LCN6: variants seen among roughly 807,000 people sequenced by gnomAD.
The protein encoded by LCN6 is epididymal-specific lipocalin-6.
LCN6 carries 20 observed loss-of-function variants against 21.4 expected under a neutral mutation model. That is an observed-to-expected ratio of 0.93 (90% CI 0.66 to 1.36). LCN6 has a LOEUF of 1.36. LCN6 is among the 40% of genes most tolerant of loss of function. The pLI, the probability that LCN6 is intolerant of heterozygous loss-of-function variation, is 0.00. For missense variants in LCN6, 217 were observed against 206.6 expected, an observed-to-expected ratio of 1.05 and a Z score of -0.31; for synonymous variants, 96 against 89.0, an observed-to-expected ratio of 1.08 and a Z score of -0.44.
At chr9:136,747,067 C>G (rs1191121567) in intron 2 of LCN6, 1 of 226,148 alleles carries the variant, frequency 4.4e-6, no homozygotes, top group African/African-American at 2.3e-5. Flanking sequence ...GCATTATCCT[C>G]CTTTAAACAG....
At chr9:136,747,861 A>G (rs1248989502) in intron 1 of LCN6, among the ~76,000 whole-genome samples, 1 of 135,660 alleles carries the variant, frequency 7.4e-6, no homozygotes, top group African/African-American at 2.7e-5. Flanking sequence ...CCAGCCCTCC[A>G]GCCTCCAGCT....
At chr9:136,745,115 C>T (rs1847019361) in intron 4 of LCN6, 55 bp downstream of exon 4, 11 of 178,660 alleles carry the variant, frequency 6.2e-5, no homozygotes, top group East Asian at 3.1e-4. Context: ...ACGTGGGCCC[C>T]GAGTGGCCCA....
intron 2 of LCN6, among the ~76,000 whole-genome samples, chr9:136,746,280 G>T (rs1847036081): frequency 7.2e-6 from 1 of 138,754 alleles, no homozygotes; most frequent in Admixed American, 7.1e-5. Flanking sequence ...GGCGGGGTGG[G>T]GGTTCGCCCG....
In LCN6 at chr9:136,745,169, C is replaced by T. The variant is rs148227688; in HGVS notation, c.412+1G>A. 1.0e-5 allele frequency: 16 copies of T among 1,600,928 alleles called. No homozygotes were observed. Among genetic ancestry groups the T allele is most frequent in the Non-Finnish European group, 1.3e-5 (15 of 1,168,614 alleles). ...ACGTGGGCCCCGCACAGCACACTTA[C>T]TGTACAGCTCCACGGTGTTGAAGGG... On this transcript the variant is annotated splice_donor_variant, in intron 4 of 6. Transcript: ENST00000341206. LOFTEE classifies it high-confidence loss of function.
At chr9:136,747,695 C>CAGCCTCCAGATCTCCAGCCCTCT (rs1847063777) in intron 1 of LCN6, 132 bp from the exon 2 acceptor site, 13 of 963,456 alleles carry the variant, frequency 1.3e-5, no homozygotes, top group Admixed American at 6.5e-5. Context: ...TCCAGCCCTC[C>CAGCCTCCAGATCTCCAGCCCTCT]AGCCTCCAGC....
rs914603729 is a variant in LCN6 at position 136,744,532 on chromosome 9, T to C, written c.*22+108A>G. ...GCCTGACTCCTTCAGGGCGACTGAG[T>C]CAGGCAGAAGCCAGAATCAACCCCA... On this transcript the variant is annotated intron_variant, in intron 5 of 6. Transcript: ENST00000341206. This position sits in a 1 kb window ranked among gnomAD's most constrained non-coding sequence, Gnocchi z 4.2. 8.7e-6 allele frequency: 6 copies of C among 689,476 alleles called. No individual in the cohort carries two copies. In the African/African-American group the frequency reaches 8.9e-5, roughly 10 times the overall value. 42.7% of individuals were successfully genotyped at this position (689,476 alleles called of 1,614,324 possible).
Position 136,748,272 on chromosome 9 carries a change from C to T in LCN6, c.90+122G>A, listed in dbSNP as rs1588303193. The T allele has an allele frequency of 3.0e-5, 25 of 840,540 alleles. 2 individuals are homozygous for T. The South Asian group carries it at 3.7e-4, about 12-fold the overall frequency. The allele number at this position is 840,540 out of a possible 1,614,324, so 52.1% of individuals were successfully genotyped here. On this transcript the variant is annotated intron_variant, in intron 1 of 6. Coordinates refer to ENST00000341206, the MANE Select transcript of LCN6 (RefSeq NM_198946.3). ...CTGTGGGACTCCCCAAGGGCTGGCC[C>T]AACTAATTCCCCACTGCTCATGCTG...
In LCN6 at chr9:136,745,258, C is replaced by G; in HGVS notation, c.324G>C (p.Trp108Cys). 6.2e-7 allele frequency: 1 copy of G among 1,613,408 alleles called. No homozygotes were observed. Among genetic ancestry groups the G allele is most frequent in the Non-Finnish European group, 8.5e-7 (1 of 1,179,776 alleles). ...AGTCTCTGAAGTTGGTGGCCAGCAC[C>G]CAGAGCTCCAGCACGCCTATTGCTA... ...ENPSIGVLELWVLATNFRDYA... is the reference protein window; with the variant it reads ...ENPSIGVLELCVLATNFRDYA... The change falls in exon 4 of 7, where the codon TGG (tryptophan) becomes TGC (cysteine). Residue 108 changes from tryptophan (W) to cysteine (C), a missense_variant. By Grantham distance (215) the Trp-to-Cys change is radical. Transcript: ENST00000341206.
In LCN6 at chr9:136,745,842, A is replaced by G. The variant is rs376850573; in HGVS notation, c.301+2T>C. 1 of 1,613,134 alleles carries G rather than the reference A, an allele frequency of 6.2e-7. No homozygotes were observed. The highest frequency in any genetic ancestry group is 8.5e-7 in the Non-Finnish European group (1 of 1,179,380). ...GGGTGAGGCCGTGGCCGTCAGACTC[A>G]CAGGGATTCTCAAACACCCATCCGG... On this transcript the variant is annotated splice_donor_variant, in intron 3 of 6. Coordinates refer to ENST00000341206, the MANE Select transcript of LCN6 (RefSeq NM_198946.3). LOFTEE classifies it high-confidence loss of function.
Position 136,744,615 on chromosome 9 carries a change from C to T in LCN6, c.*22+25G>A, listed in dbSNP as rs556014847. ...TCCAGAACTTGCCCCAAGCCTCCCC[C>T]GAGGCTGCTCCGGTGGACACTCACG... On this transcript the variant is annotated intron_variant, in intron 5 of 6. Transcript: ENST00000341206. This position sits in a 1 kb window ranked among gnomAD's most constrained non-coding sequence, Gnocchi z 4.2. 4.4e-5 allele frequency: 66 copies of T among 1,492,044 alleles called. No homozygotes were observed. The highest frequency in any genetic ancestry group is 5.4e-5 in the Non-Finnish European group (58 of 1,080,060). 92.4% of individuals were successfully genotyped at this position (1,492,044 alleles called of 1,614,324 possible).
chr9:136,748,141 A>C (rs1367581835), intron 1 of LCN6, among the ~76,000 whole-genome samples: 1 of 118,426 alleles, frequency 8.4e-6, no homozygotes, highest in Admixed American at 8.3e-5. Context: ...CAGTTCTCCA[A>C]CCCTACACCC....
chr9:136,745,437 T>A, intron 3 of LCN6, 157 bp from the exon 4 acceptor site: 1 of 610,070 alleles, frequency 1.6e-6, no homozygotes, highest in Non-Finnish European at 2.9e-6. Flanking sequence ...CCCCAAGCTT[T>A]GTCCCCCACC....
intron 2 of LCN6, among the ~76,000 whole-genome samples, chr9:136,747,210 G>A (rs931844139): frequency 5.3e-4 from 80 of 152,298 alleles, no homozygotes; most frequent in African/African-American, 1.9e-3. Context: ...TTGAAGGTGG[G>A]AGTGCCACCT....
At position 136,748,524 on chromosome 9, in the gene LCN6, G is replaced by C. The variant is rs1311487882; in HGVS notation, c.-41C>G. The C allele has an allele frequency of 1.2e-5, 19 of 1,585,298 alleles. No homozygotes were observed. The highest frequency in any genetic ancestry group is 1.5e-5 in the Non-Finnish European group (17 of 1,160,528). The stretch of plus-strand genomic sequence containing the variant: ...CTGCGCCGCAGGCCCAGGATGTGCA[G>C]TCCCTCCAGGCCCTGGAGACCCGTT... On this transcript the variant is annotated 5_prime_UTR_variant, in exon 1 of 7. Transcript: ENST00000341206.
In LCN6 at chr9:136,745,186, G is replaced by A. The variant is rs774442842; in HGVS notation, c.396C>T (p.Asn132=). 9.3e-6 allele frequency: 15 copies of A among 1,611,870 alleles called. No homozygotes were observed. The East Asian group carries it at 3.1e-4, about 34-fold the overall frequency. The stretch of plus-strand genomic sequence containing the variant: ...CACACTTACTGTACAGCTCCACGGT[G>A]TTGAAGGGCTCGTCCCCGAACTCCA... The part of the protein sequence containing the change: ...TQLEFGDEPF[N]TVELYSLTET... The change falls in exon 4 of 7, where the codon AAC becomes AAT. Residue 132 remains asparagine, a synonymous_variant. Coordinates refer to ENST00000341206, the MANE Select transcript of LCN6 (RefSeq NM_198946.3).
intron 1 of LCN6, 99 bp downstream of exon 1, chr9:136,748,295 C>T: frequency 9.5e-7 from 1 of 1,049,944 alleles, no homozygotes. Flanking sequence ...ACTGCTCATG[C>T]TGGTCTGGGC....
intron 1 of LCN6, 58 bp downstream of exon 1, chr9:136,748,336 C>T: frequency 6.8e-7 from 1 of 1,477,206 alleles, no homozygotes; most frequent in Non-Finnish European, 9.3e-7. Flanking sequence ...GCTGTGTGGC[C>T]TTAAAGGAGG....
rs1031675980 is a variant in LCN6 at position 136,745,981 on chromosome 9, G to T, written c.231-67C>A. 22 of 1,422,462 alleles carry T rather than the reference G, an allele frequency of 1.5e-5. No homozygotes were observed. In the African/African-American group the frequency reaches 2.8e-4, roughly 18 times the overall value. The allele number at this position is 1,422,462 out of a possible 1,614,324, so 88.1% of individuals were successfully genotyped here. The stretch of plus-strand genomic sequence containing the variant: ...CCGGGGCCCGGTGAGAGGAGACGGA[G>T]CTCAGGAGTCCAGGCCAGGCCAGCC... On this transcript the variant is annotated intron_variant, in intron 2 of 6. Transcript: ENST00000341206.
chr9:136,747,746 C>T (rs1215325787), intron 1 of LCN6, among the ~76,000 whole-genome samples, 183 bp from the exon 2 acceptor site: 1 of 136,514 alleles, frequency 7.3e-6, no homozygotes, highest in African/African-American at 3.2e-5. Context: ...CCTGCAGCCT[C>T]CAGCCTCCAC....
Sources: allele counts gnomAD v4.1 joint callset (sites outside exome capture counted in the v4.1 genomes callset), GRCh38; gene constraint gnomAD v4.1.1; non-coding constraint Gnocchi (gnomAD v3.1); transcripts MANE v1.5; gene names NCBI Gene and HGNC (gene_info 2026-07-23, HGNC 2026-07-21).